Variants in RBFOX3 observed in about 807,000 individuals in gnomAD.
The protein encoded by RBFOX3 is RNA binding protein fox-1 homolog 3.
A neutral mutation model predicts 48.7 loss-of-function variants in RBFOX3; 17 were observed. The ratio of observed to expected loss-of-function variants is 0.35; its 90% CI spans 0.24 to 0.52. RBFOX3 has a LOEUF of 0.52. Among genes scored for constraint, RBFOX3 ranks in the 20% least tolerant of loss-of-function variants. RBFOX3 has a pLI of 0.94. For synonymous variants in RBFOX3, 212 were observed against 209.5 expected (o/e 1.01, Z -0.10); for missense variants, 382 against 497.5 (o/e 0.77, Z 2.21).
At chr17:79,207,093 G>C (rs755110040) in intron 4 of RBFOX3, among the ~76,000 whole-genome samples, 3 of 152,190 alleles carry the variant, frequency 2.0e-5, no homozygotes, top group Non-Finnish European at 4.4e-5. Context: ...AGTTTTCTCT[G>C]TTTGCCTGTC....
chr17:79,308,093 C>T (rs1205029876), intron 2 of RBFOX3, among the ~76,000 whole-genome samples: 4 of 152,150 alleles, frequency 2.6e-5, no homozygotes, highest in Non-Finnish European at 5.9e-5. Context: ...GTATCAAAAC[C>T]GAAGCTGGGG....
At chr17:79,459,100 C>T (rs981732018) in intron 2 of RBFOX3, among the ~76,000 whole-genome samples, 1 of 152,196 alleles carries the variant, frequency 6.6e-6, no homozygotes, top group Non-Finnish European at 1.5e-5. Flanking sequence ...CACACAGAAC[C>T]CCTCCCCTAG....
intron 2 of RBFOX3, among the ~76,000 whole-genome samples, chr17:79,457,080 G>A (rs1039875610): frequency 5.9e-5 from 9 of 152,188 alleles, no homozygotes; most frequent in African/African-American, 1.7e-4. Flanking sequence ...GTGTAGACAG[G>A]CAGGGTGAGG....
chr17:79,595,103 G>C (rs1166220251), intron 1 of RBFOX3, among the ~76,000 whole-genome samples: 4 of 152,082 alleles, frequency 2.6e-5, no homozygotes, highest in African/African-American at 9.7e-5. Flanking sequence ...CCCACCCTTA[G>C]AGTAACAGCA....
chr17:79,264,001 G>T (rs531426486), intron 3 of RBFOX3, among the ~76,000 whole-genome samples: 1 of 151,994 alleles, frequency 6.6e-6, no homozygotes, highest in Non-Finnish European at 1.5e-5. Flanking sequence ...GGCAGAGATT[G>T]GAGAGTCAAG....
chr17:79,095,356 A>C (rs928873112), intron 13 of RBFOX3, among the ~76,000 whole-genome samples, 157 bp downstream of exon 13: 8 of 152,156 alleles, frequency 5.3e-5, no homozygotes, highest in Admixed American at 3.9e-4. Context: ...CACTGGCTCA[A>C]GGGCCACACT....
intron 1 of RBFOX3, among the ~76,000 whole-genome samples, chr17:79,576,803 G>A (rs1307083434): frequency 1.3e-5 from 2 of 152,172 alleles, no homozygotes; most frequent in African/African-American, 4.8e-5. Flanking sequence ...TGGAGATCAT[G>A]GAGAAGATGG....
At chr17:79,533,426 C>A (rs1555787949) in intron 1 of RBFOX3, among the ~76,000 whole-genome samples, 1 of 152,246 alleles carries the variant, frequency 6.6e-6, no homozygotes, top group Non-Finnish European at 1.5e-5. Flanking sequence ...AACATAAAAG[C>A]CACAGCTCCA....
At chr17:79,626,594 G>C in the RBFOX3 span, among the ~76,000 whole-genome samples, 1 of 152,190 alleles carries the variant, frequency 6.6e-6, no homozygotes, top group African/African-American at 2.4e-5. Context: ...TCATCGTCCA[G>C]GATAAAGACC....
intron 2 of RBFOX3, among the ~76,000 whole-genome samples, chr17:79,455,038 T>A (rs985890835): frequency 1.3e-5 from 2 of 151,914 alleles, no homozygotes; most frequent in African/African-American, 4.8e-5. Flanking sequence ...TTATGGGGTG[T>A]GCACAGGCCC....
chr17:79,125,094 T>C (rs2036833658), intron 4 of RBFOX3, among the ~76,000 whole-genome samples: 1 of 152,088 alleles, frequency 6.6e-6, no homozygotes, highest in Admixed American at 6.5e-5. Context: ...GAAAATAAAC[T>C]CGTCTCCAAT....
chr17:79,349,050 C>G (rs1296075578), intron 2 of RBFOX3, among the ~76,000 whole-genome samples: 1 of 152,124 alleles, frequency 6.6e-6, no homozygotes, highest in African/African-American at 2.4e-5. Flanking sequence ...CCTCTTCCCA[C>G]AAATTCAACT....
At chr17:79,125,784 G>A (rs148254439) in intron 4 of RBFOX3, among the ~76,000 whole-genome samples, 2 of 152,312 alleles carry the variant, frequency 1.3e-5, no homozygotes, top group South Asian at 2.1e-4. Flanking sequence ...GGCTGGTGGC[G>A]AGGCTGGGCA....
chr17:79,213,371 T>C (rs1938664925), intron 4 of RBFOX3, among the ~76,000 whole-genome samples: 1 of 152,138 alleles, frequency 6.6e-6, no homozygotes, highest in Non-Finnish European at 1.5e-5. Context: ...GGAAGCTGTG[T>C]CTTCACCAGC....
intron 5 of RBFOX3, among the ~76,000 whole-genome samples, chr17:79,108,257 T>C (rs2077792482): frequency 6.6e-6 from 1 of 152,160 alleles, no homozygotes; most frequent in African/African-American, 2.4e-5. Context: ...TAGAGGAGAC[T>C]GGGGTCCCTT....
At chr17:79,284,880 A>G (rs1038673941) in intron 3 of RBFOX3, among the ~76,000 whole-genome samples, 1 of 152,132 alleles carries the variant, frequency 6.6e-6, no homozygotes, top group African/African-American at 2.4e-5. Context: ...CTTTGGGGTC[A>G]TGAAGGGGCT....
chr17:79,546,669 ATTT>A (rs34998319), intron 1 of RBFOX3, among the ~76,000 whole-genome samples: 7 of 121,788 alleles, frequency 5.7e-5, no homozygotes, highest in Admixed American at 8.5e-5. Flanking sequence ...TCCTCATTCT[ATTT>A]TTTTTTTTTT....
chr17:79,585,988 G>C (rs1235530221), intron 1 of RBFOX3, among the ~76,000 whole-genome samples: 3 of 152,178 alleles, frequency 2.0e-5, no homozygotes, highest in Non-Finnish European at 4.4e-5. Flanking sequence ...TCCCAGGCTG[G>C]GGCCCTCAGA....
intron 14 of RBFOX3, chr17:79,092,043 G>A (rs1568106525): frequency 4.1e-6 from 4 of 985,344 alleles, no homozygotes; most frequent in Admixed American, 6.1e-5. Context: ...GAAGGCCTGC[G>A]GGAGCACCCT....
Sources: allele counts gnomAD v4.1 joint callset (sites outside exome capture counted in the v4.1 genomes callset), GRCh38; gene constraint gnomAD v4.1.1; transcripts MANE v1.5; gene names NCBI Gene and HGNC (gene_info 2026-07-23, HGNC 2026-07-21).